The following ASPH variants were observed in gnomAD, a reference collection of about 807,000 sequenced individuals.
ASPH encodes aspartyl/asparaginyl beta-hydroxylase.
ASPH carries 100 observed loss-of-function variants against 118.4 expected under a neutral mutation model. The ratio of observed to expected loss-of-function variants is 0.84; its 90% CI spans 0.72 to 1.00. The LOEUF is 1.00. Among genes scored for constraint, ASPH ranks in the 50% least tolerant of loss-of-function variants. ASPH has a pLI of 0.00. For missense variants in ASPH, 920 were observed against 919.5 expected (o/e 1.00, Z -0.01); for synonymous variants, 315 against 325.6 (o/e 0.97, Z 0.35).
intron 24 of ASPH, among the ~76,000 whole-genome samples, chr8:61,504,828 T>C (rs1805803858): frequency 6.6e-6 from 1 of 152,168 alleles, no homozygotes; most frequent in Non-Finnish European, 1.5e-5. Context: ...ACATACTGAA[T>C]AAGTCTGATA....
chr8:61,663,248 G>A, intron 3 of ASPH: 1 of 985,194 alleles, frequency 1.0e-6, no homozygotes, highest in Non-Finnish European at 1.2e-6. Context: ...GTTTGAGTGG[G>A]ACCCACTCAA....
rs144300487 is a variant in ASPH at position 61,679,667 on chromosome 8, C to T, written c.322+1301G>A. Among the ~76,000 whole-genome samples the T allele has an allele frequency of 7.8e-4, 119 of 151,788 alleles. 1 individual carries two copies. Among genetic ancestry groups the T allele is most frequent in the African/African-American group, 2.8e-3 (115 of 41,444 alleles). Reference sequence around the variant, plus strand: ...TTTATTTTATCTTTAAAATAAAAAGCTTTGCTATTCAGAATGTGTCATTTA... The same window carrying T: ...TTTATTTTATCTTTAAAATAAAAAGTTTTGCTATTCAGAATGTGTCATTTA... On this transcript the variant is annotated intron_variant, in intron 3 of 24. Coordinates refer to ENST00000379454, the MANE Select transcript of ASPH (RefSeq NM_004318.4).
At chr8:61,666,370 G>A (rs1336557490) in intron 3 of ASPH, among the ~76,000 whole-genome samples, 2 of 152,102 alleles carry the variant, frequency 1.3e-5, no homozygotes, top group African/African-American at 4.8e-5. Flanking sequence ...TGCTTTACAT[G>A]GTAATAAAGC....
chr8:61,539,669 C>A (rs1820987465), intron 21 of ASPH, among the ~76,000 whole-genome samples: 1 of 137,442 alleles, frequency 7.3e-6, no homozygotes, highest in Non-Finnish European at 1.6e-5. Flanking sequence ...ACCGCCTGAC[C>A]ATCATGTGAT....
chr8:61,503,570 C>CAG (rs1805322921), intron 24 of ASPH, 61 bp from the exon 25 acceptor site: 1 of 1,468,840 alleles, frequency 6.8e-7, no homozygotes, highest in African/African-American at 1.4e-5. Context: ...GTCTGAGGAT[C>CAG]GATTCCTGTC....
In ASPH at chr8:61,528,129, G is replaced by A. The variant is rs192017007; in HGVS notation, c.1765-2017C>T. On this transcript the variant is annotated intron_variant, in intron 21 of 24. Coordinates refer to ENST00000379454, the MANE Select transcript of ASPH (RefSeq NM_004318.4). ...GTCCTGGTCATTTATCCATGTTTAG[G>A]GCTCTGTTCCACCAACTAGGTTCCA... is the stretch of plus-strand genomic sequence containing the variant. Among the ~76,000 whole-genome samples, 13 of 152,132 alleles carry A rather than the reference G, an allele frequency of 8.5e-5. No individual in the cohort carries two copies. The East Asian group carries it at 2.3e-3, about 27-fold the overall frequency.
intron 20 of ASPH, among the ~76,000 whole-genome samples, chr8:61,550,064 T>C (rs529370446): frequency 6.6e-6 from 1 of 152,306 alleles, no homozygotes; most frequent in South Asian, 2.1e-4. Context: ...ATATAAATTT[T>C]AGGAGAAACA....
At chr8:61,684,902 T>C (rs1829818577) in intron 1 of ASPH, among the ~76,000 whole-genome samples, 1 of 152,126 alleles carries the variant, frequency 6.6e-6, no homozygotes, top group African/African-American at 2.4e-5. Context: ...TAGTCAACAC[T>C]GCCCTTAAAA....
intron 1 of ASPH, among the ~76,000 whole-genome samples, chr8:61,694,485 T>A (rs1051542489): frequency 2.6e-5 from 4 of 152,124 alleles, no homozygotes; most frequent in Non-Finnish European, 5.9e-5. Flanking sequence ...GTCACATCAA[T>A]GATTTCCATG....
chr8:61,617,776 A>G (rs1554683014), intron 14 of ASPH, among the ~76,000 whole-genome samples: 1 of 151,932 alleles, frequency 6.6e-6, no homozygotes, highest in South Asian at 2.1e-4. Flanking sequence ...TACTTAAAAA[A>G]TACAAAAATT....
chr8:61,637,268 G>A (rs1858248055), intron 12 of ASPH, among the ~76,000 whole-genome samples: 1 of 151,922 alleles, frequency 6.6e-6, no homozygotes, highest in Admixed American at 6.6e-5. Context: ...TATCCCCTTG[G>A]TCACTTACAG....
chr8:61,501,117 A>ACAT lies in ASPH; in HGVS notation c.*2239_*2241dup, dbSNP rs1804833018. 6.6e-6 allele frequency: 1 copy of ACAT among 152,188 alleles called. No individual in the cohort carries two copies. The highest frequency in any genetic ancestry group is 2.1e-4 in the South Asian group (1 of 4,828). 9.4% of individuals were successfully genotyped at this position (152,188 alleles called of 1,614,324 possible). A position where few individuals can be genotyped will look rare whatever the true frequency, so the allele number is the denominator to read the frequency against. On this transcript the variant is annotated 3_prime_UTR_variant, in exon 25 of 25. Transcript: ENST00000379454. ...ATTAAACTAATTCATTTTTGTGTAG[A>ACAT]CATACGAAATCACAAAAATAATAAC... is the stretch of plus-strand genomic sequence containing the variant.
chr8:61,623,432 A>G (rs1358982712), intron 13 of ASPH, among the ~76,000 whole-genome samples: 1 of 152,138 alleles, frequency 6.6e-6, no homozygotes, highest in Non-Finnish European at 1.5e-5. Flanking sequence ...CTCCTTATAT[A>G]TTCTCATTAT....
At chr8:61,601,914 A>C (rs1844109492) in intron 14 of ASPH, among the ~76,000 whole-genome samples, 1 of 151,480 alleles carries the variant, frequency 6.6e-6, no homozygotes, top group South Asian at 2.1e-4. Flanking sequence ...CAAACTACCC[A>C]AGGTTACTTA....
At chr8:61,504,949 C>T (rs1257243559) in intron 24 of ASPH, among the ~76,000 whole-genome samples, 4 of 152,210 alleles carry the variant, frequency 2.6e-5, no homozygotes, top group African/African-American at 9.6e-5. Context: ...ACCCTCCCAC[C>T]TCCACCCAGT....
At chr8:61,625,293 G>C (rs984010768) in intron 13 of ASPH, 3 of 985,752 alleles carry the variant, frequency 3.0e-6, no homozygotes, top group Non-Finnish European at 3.6e-6. Context: ...AGCAGGCATC[G>C]GGCTCTGTGA....
At chr8:61,701,997 T>G (rs1171017509) in intron 1 of ASPH, among the ~76,000 whole-genome samples, 2 of 152,220 alleles carry the variant, frequency 1.3e-5, no homozygotes, top group Non-Finnish European at 2.9e-5. Flanking sequence ...ATACAATAGC[T>G]ATATTCTGTT....
chr8:61,511,781 T>A (rs950638681), intron 24 of ASPH, among the ~76,000 whole-genome samples: 3 of 152,164 alleles, frequency 2.0e-5, no homozygotes, highest in African/African-American at 7.2e-5. Flanking sequence ...TTTTTGTATT[T>A]TTAGTAGAGA....
chr8:61,650,521 G>A (rs1228214490), intron 5 of ASPH, among the ~76,000 whole-genome samples: 1 of 152,060 alleles, frequency 6.6e-6, no homozygotes, highest in Admixed American at 6.6e-5. Context: ...GTTAGTTCCT[G>A]GGTTATTACT....
Sources: gnomAD v4.1 joint callset for allele counts (sites outside exome capture counted in the v4.1 genomes callset) on GRCh38, gnomAD v4.1.1 for gene constraint, MANE v1.5 for transcripts, NCBI Gene and HGNC (gene_info 2026-07-23, HGNC 2026-07-21) for gene names.